EZR: variants seen among roughly 807,000 people sequenced by gnomAD.
EZR encodes the protein cytovillin 2.
Under a neutral mutation model 74.8 loss-of-function variants are expected in EZR, and 40 were observed. That is an observed-to-expected ratio of 0.53 (90% CI 0.42 to 0.70). EZR has a LOEUF of 0.70. Among genes scored for constraint, EZR ranks in the 30% least tolerant of loss-of-function variants. EZR has a pLI of 0.00. For missense variants in EZR, 678 were observed against 755.8 expected, an observed-to-expected ratio of 0.90 and a Z score of 1.21; for synonymous variants, 341 against 283.3, an observed-to-expected ratio of 1.20 and a Z score of -2.05.
chr6:158,797,228 G>C (rs1184724185), intron 2 of EZR, among the ~76,000 whole-genome samples: 1 of 152,122 alleles, frequency 6.6e-6, no homozygotes, highest in Non-Finnish European at 1.5e-5. Context: ...AACATTACAG[G>C]AGAGCAACCC....
At chr6:158,795,815 G>A (rs1777058939) in intron 2 of EZR, among the ~76,000 whole-genome samples, 1 of 152,200 alleles carries the variant, frequency 6.6e-6, no homozygotes, top group Non-Finnish European at 1.5e-5. Flanking sequence ...ATTTTGAGGA[G>A]GCCAAATTTG....
rs535827449 is a variant in EZR, at chr6:158,778,391, TCATAAG to T, written c.699-1893_699-1888del. On this transcript the variant is annotated intron_variant, in intron 7 of 13. Coordinates refer to ENST00000367075, the MANE Select transcript of EZR (RefSeq NM_001111077.2). The stretch of plus-strand genomic sequence containing the variant: ...ACCTCATATAACAATTCATAGCCAC[TCATAAG>T]CATAACTGCAGTATCAAAACAAAAA... 2.8e-3 allele frequency among the ~76,000 whole-genome samples: 431 copies of T among 152,340 alleles called. 2 individuals are homozygous for T. The highest frequency in any genetic ancestry group is 9.2e-3 in the African/African-American group (382 of 41,584).
intron 2 of EZR, among the ~76,000 whole-genome samples, chr6:158,798,824 T>C (rs2128573432): frequency 6.6e-6 from 1 of 152,104 alleles, no homozygotes; most frequent in East Asian, 1.9e-4. Context: ...AGATGGAGTT[T>C]CACCATGTTG....
intron 3 of EZR, 93 bp from the exon 4 acceptor site, chr6:158,787,296 G>A: frequency 1.0e-6 from 1 of 994,020 alleles, no homozygotes; most frequent in Non-Finnish European, 1.5e-6. Context: ...GTCTAGCAGA[G>A]TCCCCAGGAA....
chr6:158,785,333 C>A lies in EZR; in HGVS notation c.443G>T (p.Ser148Ile). The A allele has an allele frequency of 6.2e-7, 1 of 1,614,154 alleles. No homozygotes were observed. Among genetic ancestry groups the A allele is most frequent in the Non-Finnish European group, 8.5e-7 (1 of 1,180,042 alleles). ...NKEVHKSGYL[S>I]SERLIPQRVM... ...CCTTTGAGGGATCAGCCGCTCAGAG[C>A]TGAGGTACCCAGACTTGTGCACTTC... The change falls in exon 5 of 14, where the codon AGC becomes ATC. Residue 148 changes from serine to isoleucine, a missense_variant. This residue lies in a region of EZR where 217 missense variants were observed against 232.2 expected (regional missense o/e 0.93). Transcript: ENST00000367075.
intron 1 of EZR, among the ~76,000 whole-genome samples, chr6:158,818,503 G>A (rs1360263353): frequency 6.8e-6 from 1 of 147,100 alleles, no homozygotes; most frequent in Non-Finnish European, 1.5e-5. Flanking sequence ...GGGGGCGCAG[G>A]CCCGGGAGAG....
intron 2 of EZR, among the ~76,000 whole-genome samples, chr6:158,805,167 C>A (rs1777307290): frequency 6.6e-6 from 1 of 151,634 alleles, no homozygotes; most frequent in East Asian, 1.9e-4. Context: ...ATGGTGAAAC[C>A]ATCTCTACTA....
At chr6:158,812,695 TCA>T (rs1258629622) in intron 2 of EZR, among the ~76,000 whole-genome samples, 1 of 152,106 alleles carries the variant, frequency 6.6e-6, no homozygotes, top group East Asian at 1.9e-4. Context: ...TCAACGATTG[TCA>T]CAAACTTATT....
intron 2 of EZR, among the ~76,000 whole-genome samples, chr6:158,801,161 C>A (rs1275499940): frequency 6.6e-6 from 1 of 152,208 alleles, no homozygotes; most frequent in Non-Finnish European, 1.5e-5. Context: ...TCTGTCAAGG[C>A]TGGAGTGCAG....
intron 10 of EZR, among the ~76,000 whole-genome samples, chr6:158,770,345 G>A (rs1431229791): frequency 3.9e-5 from 6 of 152,296 alleles, no homozygotes; most frequent in African/African-American, 1.2e-4. Context: ...CCCAGCTGCT[G>A]GGGTTGTTGA....
intron 1 of EZR, among the ~76,000 whole-genome samples, chr6:158,818,900 G>C (rs1253028939): frequency 6.6e-6 from 1 of 152,094 alleles, no homozygotes; most frequent in East Asian, 1.9e-4. Flanking sequence ...CGCGGGCTCG[G>C]GGTCCGCCGA....
intron 2 of EZR, among the ~76,000 whole-genome samples, chr6:158,810,361 C>G (rs1335137202): frequency 2.0e-5 from 3 of 152,298 alleles, no homozygotes; most frequent in South Asian, 2.1e-4. Flanking sequence ...CCCAAAGGAT[C>G]TTACCAGCCG....
chr6:158,787,794 G>A (rs931316342), intron 3 of EZR, among the ~76,000 whole-genome samples: 1 of 152,228 alleles, frequency 6.6e-6, no homozygotes, highest in Non-Finnish European at 1.5e-5. Flanking sequence ...GGGGTGCCCA[G>A]AGGAACCTGC....
intron 7 of EZR, among the ~76,000 whole-genome samples, chr6:158,777,636 TCAAG>T (rs1224040441): frequency 1.3e-5 from 2 of 152,104 alleles, no homozygotes; most frequent in African/African-American, 2.4e-5. Flanking sequence ...AGCAGGAAGG[TCAAG>T]CAATCTATGG....
intron 2 of EZR, among the ~76,000 whole-genome samples, chr6:158,814,440 A>G (rs1196543647): frequency 6.6e-6 from 1 of 150,782 alleles, no homozygotes; most frequent in Non-Finnish European, 1.5e-5. Flanking sequence ...TTTCAATTTC[A>G]GCATTTACCC....
intron 2 of EZR, among the ~76,000 whole-genome samples, chr6:158,813,993 C>A (rs1400724036): frequency 6.6e-6 from 1 of 152,166 alleles, no homozygotes; most frequent in African/African-American, 2.4e-5. Flanking sequence ...AAAGGCGCTC[C>A]GCAGTCACCC....
At chr6:158,774,671 A>AC (rs1562491969) in intron 8 of EZR, among the ~76,000 whole-genome samples, 128 of 70,054 alleles carry the variant, frequency 1.8e-3, no homozygotes, top group Non-Finnish European at 3.1e-3. Context: ...ACTTATCATC[A>AC]AACACACACA....
intron 8 of EZR, 54 bp from the exon 9 acceptor site, chr6:158,771,461 C>T: frequency 6.6e-7 from 1 of 1,519,856 alleles, no homozygotes; most frequent in Non-Finnish European, 8.8e-7. Flanking sequence ...TGGTTTTCTT[C>T]TCCAAACCAT....
intron 4 of EZR, among the ~76,000 whole-genome samples, chr6:158,786,075 A>T (rs1791573469): frequency 7.0e-6 from 1 of 143,124 alleles, no homozygotes; most frequent in South Asian, 2.2e-4. Flanking sequence ...CAACAAACAA[A>T]CAAAAACAAA....
Sources: allele counts gnomAD v4.1 joint callset (sites outside exome capture counted in the v4.1 genomes callset), GRCh38; gene constraint gnomAD v4.1.1; regional missense constraint gnomAD v4.1.1; transcripts MANE v1.5; gene names NCBI Gene and HGNC (gene_info 2026-07-23, HGNC 2026-07-21).